The following NOL4 variants were observed in gnomAD, a reference collection of about 807,000 sequenced individuals.
NOL4 encodes the protein cancer/testis antigen 125.
A neutral mutation model predicts 75.9 loss-of-function variants in NOL4; 17 were observed. The ratio of observed to expected loss-of-function variants is 0.22; its 90% CI spans 0.15 to 0.34. The LOEUF (loss-of-function observed/expected upper bound fraction) is 0.34, where lower values mean the gene tolerates loss of function less well. Ranked by LOEUF, NOL4 falls within the 10% of genes least tolerant of loss-of-function variation. The pLI is 1.00. For missense variants in NOL4, 614 were observed against 793.5 expected (o/e 0.77, Z 2.72); for synonymous variants, 292 against 289.9 (o/e 1.01, Z -0.07).
chr18:34,055,211 T>C (rs1173532293), intron 5 of NOL4, among the ~76,000 whole-genome samples: 3 of 151,986 alleles, frequency 2.0e-5, no homozygotes, highest in East Asian at 3.8e-4. Flanking sequence ...AGTTCCTATA[T>C]GTGGCCATGT....
At chr18:33,947,705 C>T (rs1354666791) in intron 8 of NOL4, among the ~76,000 whole-genome samples, 1 of 151,674 alleles carries the variant, frequency 6.6e-6, no homozygotes, top group Non-Finnish European at 1.5e-5. Context: ...GATAATGGTA[C>T]CTACCCTCAT....
At chr18:33,926,932 T>G (rs996451530) in intron 9 of NOL4, among the ~76,000 whole-genome samples, 2 of 152,182 alleles carry the variant, frequency 1.3e-5, no homozygotes, top group African/African-American at 4.8e-5. Context: ...TTCATTCACA[T>G]TGAACTATAG....
At chr18:34,062,479 A>G (rs750582713) in intron 5 of NOL4, among the ~76,000 whole-genome samples, 4 of 152,100 alleles carry the variant, frequency 2.6e-5, no homozygotes, top group Non-Finnish European at 5.9e-5. Context: ...TCTGGAATTT[A>G]TAAATTAGCT....
At chr18:34,096,445 G>C (rs1171008714) in intron 4 of NOL4, among the ~76,000 whole-genome samples, 1 of 151,792 alleles carries the variant, frequency 6.6e-6, no homozygotes, top group Non-Finnish European at 1.5e-5. Context: ...AGTTAGCAGA[G>C]GTATATGAAA....
chr18:33,869,165 A>G (rs2063575068), intron 10 of NOL4, among the ~76,000 whole-genome samples: 1 of 151,894 alleles, frequency 6.6e-6, no homozygotes, highest in African/African-American at 2.4e-5. Context: ...ATTACAGCAC[A>G]TAAGATATTT....
intron 5 of NOL4, among the ~76,000 whole-genome samples, chr18:34,084,021 A>G (rs1049033188): frequency 6.6e-6 from 1 of 152,174 alleles, no homozygotes; most frequent in African/African-American, 2.4e-5. Flanking sequence ...AGAGCAGCAA[A>G]GATGGCAGCC....
chr18:34,104,077 C>T lies in NOL4; in HGVS notation c.609G>A (p.Lys203=), dbSNP rs775575409. The change falls in exon 4 of 11, where the codon AAG becomes AAA. Residue 203 remains lysine, a synonymous_variant. Coordinates refer to ENST00000261592, the MANE Select transcript of NOL4 (RefSeq NM_003787.5). Reference sequence around the variant, plus strand: ...CTTGCTGTGAGTTTAGCAGCTGCAGCTTCATGTGTTTCATGTAGGCCATGG... The same window carrying T: ...CTTGCTGTGAGTTTAGCAGCTGCAGTTTCATGTGTTTCATGTAGGCCATGG... ...PITMAYMKHM[K]LQLLNSQQDE... 1.1e-5 allele frequency: 18 copies of T among 1,611,174 alleles called. No homozygotes were observed. The highest frequency in any genetic ancestry group is 4.2e-6 in the Non-Finnish European group (5 of 1,177,732).
chr18:34,121,819 G>C (rs1390251446), intron 2 of NOL4, among the ~76,000 whole-genome samples: 2 of 152,126 alleles, frequency 1.3e-5, no homozygotes, highest in Non-Finnish European at 2.9e-5. Context: ...TGCAAATAGA[G>C]AACAAGAAGG....
At chr18:33,977,376 A>C (rs1034396646) in intron 6 of NOL4, among the ~76,000 whole-genome samples, 1 of 152,112 alleles carries the variant, frequency 6.6e-6, no homozygotes, top group African/African-American at 2.4e-5. Flanking sequence ...GTTTTTCCCA[A>C]GGTTTTCTAA....
chr18:34,207,250 T>A (rs897711820), intron 1 of NOL4, among the ~76,000 whole-genome samples: 1 of 152,206 alleles, frequency 6.6e-6, no homozygotes, highest in African/African-American at 2.4e-5. Flanking sequence ...TGTTTTTATA[T>A]GCCAAATAAT....
intron 6 of NOL4, among the ~76,000 whole-genome samples, chr18:33,988,483 AT>A (rs1434893379): frequency 6.6e-6 from 1 of 152,114 alleles, no homozygotes; most frequent in African/African-American, 2.4e-5. Flanking sequence ...ATGTAAGAAG[AT>A]GCAGGAGAGG....
At chr18:33,865,590 C>T (rs1372129240) in intron 10 of NOL4, among the ~76,000 whole-genome samples, 1 of 152,058 alleles carries the variant, frequency 6.6e-6, no homozygotes, top group African/African-American at 2.4e-5. Context: ...ATTTATGCAT[C>T]CACCTGAGAA....
intron 6 of NOL4, among the ~76,000 whole-genome samples, chr18:34,006,969 A>G (rs2074063021): frequency 6.6e-6 from 1 of 152,020 alleles, no homozygotes; most frequent in Non-Finnish European, 1.5e-5. Context: ...GGTATCACTC[A>G]TTATTACCAC....
intron 9 of NOL4, among the ~76,000 whole-genome samples, chr18:33,934,280 T>C (rs2067906439): frequency 6.6e-6 from 1 of 152,108 alleles, no homozygotes; most frequent in Admixed American, 6.6e-5. Context: ...GAGTAGATTT[T>C]CATGAAATTC....
At chr18:34,069,865 C>T (rs556456971) in intron 5 of NOL4, among the ~76,000 whole-genome samples, 79 of 152,320 alleles carry the variant, frequency 5.2e-4, no homozygotes, top group African/African-American at 1.9e-3. Flanking sequence ...TGATTAATAA[C>T]AGACAGATCT....
Position 34,025,212 on chromosome 18 carries a change from T to A in NOL4, c.773-5611A>T, listed in dbSNP as rs72957372. On this transcript the variant is annotated intron_variant, in intron 5 of 10. Coordinates refer to ENST00000261592, the MANE Select transcript of NOL4 (RefSeq NM_003787.5). ...TTACTGCCAGAATGGTCCCATTTTT[T>A]AAAAAGACTCATGAAAGGATATGAT... 2.7e-3 allele frequency among the ~76,000 whole-genome samples: 409 copies of A among 152,282 alleles called. 1 individual carries two copies. Among genetic ancestry groups the A allele is most frequent in the Non-Finnish European group, 4.4e-3 (299 of 68,022 alleles).
chr18:34,107,045 G>T (rs2079321945), intron 2 of NOL4, among the ~76,000 whole-genome samples: 1 of 152,012 alleles, frequency 6.6e-6, no homozygotes, highest in Non-Finnish European at 1.5e-5. Context: ...TGAAAGATAG[G>T]TAAGTGCTGG....
intron 8 of NOL4, among the ~76,000 whole-genome samples, chr18:33,945,187 T>C (rs1473915585): frequency 6.6e-6 from 1 of 151,868 alleles, no homozygotes; most frequent in Non-Finnish European, 1.5e-5. Flanking sequence ...CAACCATCCT[T>C]TTCTTAATCC....
intron 9 of NOL4, among the ~76,000 whole-genome samples, chr18:33,915,875 G>A (rs1051094937): frequency 1.3e-5 from 2 of 152,098 alleles, no homozygotes; most frequent in Non-Finnish European, 2.9e-5. Context: ...TCTGAGTCAC[G>A]CACTAGGTTG....
Sources: allele counts gnomAD v4.1 joint callset (sites outside exome capture counted in the v4.1 genomes callset), GRCh38; gene constraint gnomAD v4.1.1; transcripts MANE v1.5; gene names NCBI Gene and HGNC (gene_info 2026-07-23, HGNC 2026-07-21).